The following RAB31 variants were observed in gnomAD, a reference collection of about 807,000 sequenced individuals.
The protein encoded by RAB31 is RAB31, member RAS oncogene family.
RAB31 carries 21 observed loss-of-function variants against 25.6 expected under a neutral mutation model. That is an observed-to-expected ratio of 0.82 (90% CI 0.58 to 1.18). RAB31 has a LOEUF of 1.18. Ranked by LOEUF, RAB31 falls within the 50% of genes most tolerant of loss-of-function variation. RAB31 has a pLI of 0.00. For missense variants in RAB31, 196 were observed against 250.1 expected (o/e 0.78, Z 1.46); for synonymous variants, 87 against 84.0 (o/e 1.04, Z -0.20).
intron 1 of RAB31, among the ~76,000 whole-genome samples, chr18:9,773,599 G>A (rs1013107033): frequency 2.6e-5 from 4 of 151,988 alleles, no homozygotes; most frequent in Non-Finnish European, 4.4e-5. Context: ...TACTTTTGGG[G>A]CAACTTCCTG....
At chr18:9,720,452 G>A (rs1387860988) in intron 1 of RAB31, among the ~76,000 whole-genome samples, 4 of 152,126 alleles carry the variant, frequency 2.6e-5, no homozygotes, top group Non-Finnish European at 5.9e-5. Context: ...GTGAGGGCTG[G>A]TGGAGTTTGG....
At chr18:9,725,824 G>T (rs1340023805) in intron 1 of RAB31, among the ~76,000 whole-genome samples, 1 of 152,212 alleles carries the variant, frequency 6.6e-6, no homozygotes, top group Non-Finnish European at 1.5e-5. Flanking sequence ...TGTATGAGAT[G>T]TGCAGAGGCA....
chr18:9,741,688 C>T (rs1358392727), intron 1 of RAB31, among the ~76,000 whole-genome samples: 1 of 152,236 alleles, frequency 6.6e-6, no homozygotes, highest in Non-Finnish European at 1.5e-5. Flanking sequence ...GATCTCAGGG[C>T]TGTGGGCAGG....
At chr18:9,802,221 T>A (rs1027986613) in intron 3 of RAB31, among the ~76,000 whole-genome samples, 1 of 152,228 alleles carries the variant, frequency 6.6e-6, no homozygotes, top group Non-Finnish European at 1.5e-5. Flanking sequence ...AGAATCCAAC[T>A]GGGATTTTGG....
chr18:9,779,701 T>A (rs2068392009), intron 2 of RAB31, among the ~76,000 whole-genome samples: 2 of 152,226 alleles, frequency 1.3e-5, no homozygotes, highest in Non-Finnish European at 2.9e-5. Flanking sequence ...TTGTGTTTGC[T>A]GAAGGTCACA....
intron 3 of RAB31, among the ~76,000 whole-genome samples, chr18:9,805,100 T>C (rs1466288752): frequency 6.6e-6 from 1 of 151,170 alleles, no homozygotes; most frequent in Non-Finnish European, 1.5e-5. Context: ...AAAAAGTTTT[T>C]AAAAAATTAG....
chr18:9,766,554 TTCTC>T lies in RAB31; in HGVS notation c.40-8720_40-8717del, dbSNP rs1429725559. Among the ~76,000 whole-genome samples, 2 of 152,216 alleles carry T rather than the reference TTCTC, an allele frequency of 1.3e-5. No homozygotes were observed. Among genetic ancestry groups the T allele is most frequent in the Admixed American group, 6.5e-5 (1 of 15,278 alleles). On this transcript the variant is annotated intron_variant, in intron 1 of 6. Transcript: ENST00000578921. This position sits in a 1 kb window ranked among gnomAD's most constrained non-coding sequence, Gnocchi z 4.3. ...GTTAACCATGCAGACTTCTGCCTGT[TTCTC>T]TCTTTATGTTATTTCTTTATGCCCA...
At chr18:9,842,768 C>T (rs1044822303) in intron 5 of RAB31, among the ~76,000 whole-genome samples, 3 of 152,302 alleles carry the variant, frequency 2.0e-5, no homozygotes, top group Admixed American at 6.5e-5. Context: ...CCATTGCAGC[C>T]CTGTAGGAGT....
At chr18:9,763,283 G>A (rs1348559428) in intron 1 of RAB31, among the ~76,000 whole-genome samples, 1 of 151,840 alleles carries the variant, frequency 6.6e-6, no homozygotes, top group Non-Finnish European at 1.5e-5. Flanking sequence ...GAGGAGACAG[G>A]GCAACTCAAA....
At chr18:9,810,419 A>G (rs970874584) in intron 3 of RAB31, among the ~76,000 whole-genome samples, 1 of 152,244 alleles carries the variant, frequency 6.6e-6, no homozygotes, top group African/African-American at 2.4e-5. Context: ...GGGGAAAAGC[A>G]TAAACATTGT....
intron 1 of RAB31, among the ~76,000 whole-genome samples, chr18:9,769,451 G>A (rs1599031116): frequency 6.6e-6 from 1 of 152,078 alleles, no homozygotes; most frequent in Admixed American, 6.5e-5. Context: ...TATTCTCTTT[G>A]CAGCAATTGT....
At chr18:9,748,455 A>G (rs890473646) in intron 1 of RAB31, among the ~76,000 whole-genome samples, 2 of 152,158 alleles carry the variant, frequency 1.3e-5, no homozygotes, top group South Asian at 2.1e-4. Context: ...ACAGTAAGCC[A>G]TGATTGCACC....
intron 5 of RAB31, among the ~76,000 whole-genome samples, chr18:9,836,147 C>T (rs1334926301): frequency 2.6e-5 from 4 of 151,914 alleles, no homozygotes; most frequent in Admixed American, 6.6e-5. Context: ...TGCTCGTGGC[C>T]GGCTTAATTG....
intron 3 of RAB31, among the ~76,000 whole-genome samples, chr18:9,794,373 A>G (rs1382421408): frequency 6.6e-6 from 1 of 152,220 alleles, no homozygotes; most frequent in Non-Finnish European, 1.5e-5. Flanking sequence ...AAACATTTTA[A>G]AAACACTGCT....
chr18:9,765,295 T>C (rs1262946475), intron 1 of RAB31, among the ~76,000 whole-genome samples: 1 of 152,114 alleles, frequency 6.6e-6, no homozygotes, highest in Non-Finnish European at 1.5e-5. Context: ...CACAAATAAT[T>C]TTGTGTTATG....
At chr18:9,720,280 C>A (rs1273920928) in intron 1 of RAB31, among the ~76,000 whole-genome samples, 1 of 152,118 alleles carries the variant, frequency 6.6e-6, no homozygotes, top group African/African-American at 2.4e-5. Flanking sequence ...CTTTAGTTAT[C>A]AAAGTTGTAT....
chr18:9,853,677 C>T (rs2068800375), intron 6 of RAB31, among the ~76,000 whole-genome samples: 1 of 152,160 alleles, frequency 6.6e-6, no homozygotes, highest in Admixed American at 6.5e-5. Flanking sequence ...GAACTATAGA[C>T]TGACTATCCT....
intron 1 of RAB31, chr18:9,734,979 T>C: frequency 4.1e-6 from 1 of 243,764 alleles, no homozygotes; most frequent in Non-Finnish European, 8.7e-6. Flanking sequence ...GGGAGGAGCC[T>C]CTTGGTGGTG....
At position 9,785,670 on chromosome 18, in the gene RAB31, G is replaced by A. The variant is rs1277785597; in HGVS notation, c.120-6484G>A. Among the ~76,000 whole-genome samples the A allele has an allele frequency of 2.0e-5, 3 of 152,202 alleles. No homozygotes were observed. The South Asian group carries it at 6.2e-4, about 31-fold the overall frequency. ...CTGCCCCATCTTCTAGAGGAAGGATGCTACTCAGAGAGGCCAAGAAGAACC... is the reference window on the plus strand; with the variant it reads ...CTGCCCCATCTTCTAGAGGAAGGATACTACTCAGAGAGGCCAAGAAGAACC... On this transcript the variant is annotated intron_variant, in intron 2 of 6. Coordinates refer to ENST00000578921, the MANE Select transcript of RAB31 (RefSeq NM_006868.4).
Sources: allele counts gnomAD v4.1 joint callset (sites outside exome capture counted in the v4.1 genomes callset), GRCh38; gene constraint gnomAD v4.1.1; non-coding constraint Gnocchi (gnomAD v3.1); transcripts MANE v1.5; gene names NCBI Gene and HGNC (gene_info 2026-07-23, HGNC 2026-07-21).